Variants in NXPH1 observed in about 807,000 individuals in gnomAD.
NXPH1 encodes neurexophilin 1, also known as neurexophilin-1.
In NXPH1, 5 loss-of-function variants were observed where a neutral mutation model predicts 23.7. The observed-to-expected ratio is 0.21, with a 90% CI of 0.11 to 0.44. The LOEUF (loss-of-function observed/expected upper bound fraction) is 0.44, where lower values mean the gene tolerates loss of function less well. Among genes scored for constraint, NXPH1 ranks in the 20% least tolerant of loss-of-function variants. NXPH1 has a pLI of 0.99. For synonymous variants in NXPH1, 144 were observed against 122.2 expected, an observed-to-expected ratio of 1.18 and a Z score of -1.18; for missense variants, 324 against 321.6, an observed-to-expected ratio of 1.01 and a Z score of -0.06.
Position 8,724,162 on chromosome 7 carries a change from C to T in NXPH1, c.55-26846C>T, listed in dbSNP as rs558745884. On this transcript the variant is annotated intron_variant, in intron 2 of 2. Coordinates refer to ENST00000405863, the MANE Select transcript of NXPH1 (RefSeq NM_152745.3). ...TAAAGCTCACAGAATAGGTGGTTCC[C>T]ACAGAGTGCCTCAGCCAGCAGTTAC... Among the ~76,000 whole-genome samples, 4 of 152,244 alleles carry T rather than the reference C, an allele frequency of 2.6e-5. No homozygotes were observed. In the East Asian group the frequency reaches 5.8e-4, roughly 22 times the overall value.
chr7:8,453,702 T>G (rs1240124242), intron 2 of NXPH1, among the ~76,000 whole-genome samples: 1 of 152,168 alleles, frequency 6.6e-6, no homozygotes, highest in Non-Finnish European at 1.5e-5. Flanking sequence ...GTTGGTTCAC[T>G]AAGGATAACG....
intron 2 of NXPH1, among the ~76,000 whole-genome samples, chr7:8,716,717 T>C (rs1313674448): frequency 6.6e-6 from 1 of 152,080 alleles, no homozygotes; most frequent in Admixed American, 6.5e-5. Flanking sequence ...CAATGAAGAG[T>C]ACATGATTTA....
At chr7:8,708,423 C>A (rs1170867964) in intron 2 of NXPH1, among the ~76,000 whole-genome samples, 1 of 152,028 alleles carries the variant, frequency 6.6e-6, no homozygotes, top group African/African-American at 2.4e-5. Context: ...TACAATGGCA[C>A]GATCTCAGCT....
chr7:8,632,521 T>G (rs62447911), intron 2 of NXPH1, among the ~76,000 whole-genome samples: 2 of 151,966 alleles, frequency 1.3e-5, no homozygotes, highest in African/African-American at 2.4e-5. Flanking sequence ...CCTTTGATTT[T>G]TCTCACTTAT....
At chr7:8,650,370 C>G (rs1394229812) in intron 2 of NXPH1, among the ~76,000 whole-genome samples, 1 of 152,090 alleles carries the variant, frequency 6.6e-6, no homozygotes, top group Non-Finnish European at 1.5e-5. Flanking sequence ...TTAAACTAGC[C>G]TTTACCTTAT....
intron 2 of NXPH1, among the ~76,000 whole-genome samples, chr7:8,506,871 G>A (rs536738530): frequency 2.1e-4 from 32 of 152,148 alleles, no homozygotes; most frequent in African/African-American, 6.5e-4. Flanking sequence ...GGTGCTGGGG[G>A]CAGGCACCAG....
At chr7:8,446,873 C>T (rs1366855673) in intron 2 of NXPH1, among the ~76,000 whole-genome samples, 1 of 151,666 alleles carries the variant, frequency 6.6e-6, no homozygotes, top group African/African-American at 2.4e-5. Context: ...GTTCCCCTCC[C>T]CATTTCATTC....
chr7:8,533,855 G>A (rs1817987644), intron 2 of NXPH1, among the ~76,000 whole-genome samples: 1 of 152,136 alleles, frequency 6.6e-6, no homozygotes, highest in South Asian at 2.1e-4. Flanking sequence ...GGAGGAAGAA[G>A]GAGCTGGTGA....
chr7:8,523,351 C>A (rs1164430376), intron 2 of NXPH1, among the ~76,000 whole-genome samples: 8 of 152,212 alleles, frequency 5.3e-5, no homozygotes, highest in South Asian at 2.1e-4. Flanking sequence ...GGGGTCCCCC[C>A]AACCAGGTTT....
chr7:8,657,428 A>G (rs1301586953), intron 2 of NXPH1, among the ~76,000 whole-genome samples: 1 of 152,210 alleles, frequency 6.6e-6, no homozygotes, highest in Non-Finnish European at 1.5e-5. Context: ...TTTGCAGGAC[A>G]TTTCCTTTCA....
At chr7:8,724,585 T>A (rs530404162) in intron 2 of NXPH1, among the ~76,000 whole-genome samples, 1 of 152,230 alleles carries the variant, frequency 6.6e-6, no homozygotes, top group Non-Finnish European at 1.5e-5. Flanking sequence ...TCTTACAGCA[T>A]CTCTAGTCAT....
intron 2 of NXPH1, among the ~76,000 whole-genome samples, chr7:8,747,095 A>C (rs1239033044): frequency 6.6e-6 from 1 of 152,166 alleles, no homozygotes; most frequent in Admixed American, 6.5e-5. Flanking sequence ...TTTAATCCTC[A>C]CAACAGCCCT....
intron 2 of NXPH1, among the ~76,000 whole-genome samples, chr7:8,664,683 C>T (rs1345870712): frequency 6.6e-6 from 1 of 152,014 alleles, no homozygotes; most frequent in Non-Finnish European, 1.5e-5. Flanking sequence ...ACCTCGTCAC[C>T]CACACTTCTC....
intron 2 of NXPH1, among the ~76,000 whole-genome samples, chr7:8,484,988 C>T (rs548088118): frequency 1.3e-5 from 2 of 152,192 alleles, no homozygotes; most frequent in African/African-American, 4.8e-5. Context: ...GTGTCCCCAC[C>T]CAAATCTTAC....
chr7:8,506,149 T>G (rs1817518403), intron 2 of NXPH1, among the ~76,000 whole-genome samples: 1 of 152,148 alleles, frequency 6.6e-6, no homozygotes, highest in African/African-American at 2.4e-5. Flanking sequence ...TTATAAAATT[T>G]ACCTATTTTA....
intron 2 of NXPH1, among the ~76,000 whole-genome samples, chr7:8,558,140 A>T (rs1288760284): frequency 1.3e-5 from 2 of 151,782 alleles, no homozygotes; most frequent in Admixed American, 1.3e-4. Context: ...AAACATTTTG[A>T]TTTTAAATTC....
intron 2 of NXPH1, among the ~76,000 whole-genome samples, chr7:8,679,831 A>G (rs1221563778): frequency 2.0e-5 from 3 of 152,294 alleles, no homozygotes; most frequent in Non-Finnish European, 2.9e-5. Flanking sequence ...GACCAGCCTG[A>G]CCAACATGGT....
At chr7:8,643,115 A>T (rs1243713947) in intron 2 of NXPH1, among the ~76,000 whole-genome samples, 1 of 152,028 alleles carries the variant, frequency 6.6e-6, no homozygotes, top group Non-Finnish European at 1.5e-5. Flanking sequence ...CACCTGCCTC[A>T]GTCTCCCAAA....
At chr7:8,674,948 G>T (rs1820925976) in intron 2 of NXPH1, among the ~76,000 whole-genome samples, 2 of 152,152 alleles carry the variant, frequency 1.3e-5, no homozygotes, top group African/African-American at 2.4e-5. Flanking sequence ...GACAGCTCCA[G>T]ATGAAATATA....
Sources: gnomAD v4.1 joint callset for allele counts (sites outside exome capture counted in the v4.1 genomes callset) on GRCh38, gnomAD v4.1.1 for gene constraint, MANE v1.5 for transcripts, NCBI Gene and HGNC (gene_info 2026-07-23, HGNC 2026-07-21) for gene names.